The following TAF4 variants were observed in gnomAD, a reference collection of about 807,000 sequenced individuals.
TAF4 encodes transcription initiation factor TFIID subunit 4.
In TAF4, 9 loss-of-function variants were observed where a neutral mutation model predicts 90.3. The ratio of observed to expected loss-of-function variants is 0.10; its 90% CI spans 0.06 to 0.17. The LOEUF (loss-of-function observed/expected upper bound fraction) is 0.17. Among genes scored for constraint, TAF4 ranks in the 10% least tolerant of loss-of-function variants. The pLI is 1.00. For missense variants in TAF4, 1,351 were observed against 1,370.7 expected (o/e 0.99, Z 0.23); for synonymous variants, 818 against 638.9 (o/e 1.28, Z -4.23).
chr20:62,048,099 C>T (rs149933877), intron 1 of TAF4, among the ~76,000 whole-genome samples: 3,561 of 152,280 alleles, frequency 0.023, 59 homozygotes, highest in Non-Finnish European at 0.033. Context: ...CTCAAAGTCA[C>T]CTCTGAAAAT....
intron 7 of TAF4, chr20:62,005,088 A>G (rs2055735625): frequency 6.6e-6 from 1 of 152,348 alleles, no homozygotes; most frequent in Non-Finnish European, 1.5e-5. Context: ...TAATGCAAAC[A>G]TGTCTCCAAC....
intron 1 of TAF4, among the ~76,000 whole-genome samples, chr20:62,036,253 G>A (rs1467098556): frequency 1.3e-5 from 2 of 152,194 alleles, no homozygotes; most frequent in Admixed American, 1.3e-4. Flanking sequence ...TCGAACTCCT[G>A]ACCTCAGGTG....
chr20:62,024,511 G>C (rs1346970442), intron 1 of TAF4, among the ~76,000 whole-genome samples: 15 of 152,206 alleles, frequency 9.9e-5, no homozygotes, highest in Non-Finnish European at 4.4e-5. Context: ...AGACTCTTTA[G>C]AAAGCATCCA....
chr20:62,038,240 G>T lies in TAF4; in HGVS notation c.1361-23533C>A, dbSNP rs569360745. 2.6e-5 allele frequency among the ~76,000 whole-genome samples: 4 copies of T among 152,090 alleles called. No homozygotes were observed. The South Asian group carries it at 8.3e-4, about 32-fold the overall frequency. On this transcript the variant is annotated intron_variant, in intron 1 of 14. Transcript: ENST00000252996. ...GACAGGGTTTCACAGTGTTAGCCAG[G>T]ATGGTGTCGATCTCCTGACCTCGTG... is the stretch of plus-strand genomic sequence containing the variant.
At chr20:62,046,302 T>C (rs189242151) in intron 1 of TAF4, among the ~76,000 whole-genome samples, 1 of 152,386 alleles carries the variant, frequency 6.6e-6, no homozygotes, top group African/African-American at 2.4e-5. Context: ...ATGTATACAG[T>C]TGTGTAACCA....
chr20:62,046,453 G>A (rs912352530), intron 1 of TAF4, among the ~76,000 whole-genome samples: 1 of 152,194 alleles, frequency 6.6e-6, no homozygotes, highest in Non-Finnish European at 1.5e-5. Context: ...TTGTGCGATA[G>A]GCGGTCTTTC....
intron 1 of TAF4, among the ~76,000 whole-genome samples, chr20:62,044,859 G>C (rs1266311297): frequency 6.6e-6 from 1 of 152,176 alleles, no homozygotes; most frequent in Non-Finnish European, 1.5e-5. Context: ...TCCGGGAAGA[G>C]ACAGGCCTGG....
Position 62,061,486 on chromosome 20 carries a change from G to A in TAF4, c.1360+2965C>T, listed in dbSNP as rs2056088372. Among the ~76,000 whole-genome samples, 3 of 152,346 alleles carry A rather than the reference G, an allele frequency of 2.0e-5. No homozygotes were observed. The East Asian group carries it at 5.8e-4, about 29-fold the overall frequency. ...AGCAAAAGGAGAGTAAATTCTGCAT[G>A]AAAGCACAATAGACCAAGATACACT... On this transcript the variant is annotated intron_variant, in intron 1 of 14. Coordinates refer to ENST00000252996, the MANE Select transcript of TAF4 (RefSeq NM_003185.4).
At chr20:62,004,516 TG>T (rs2055731930) in intron 7 of TAF4, 2 of 151,430 alleles carry the variant, frequency 1.3e-5, no homozygotes. Flanking sequence ...TTTGTAGAGA[TG>T]GGGTTTCACC....
intron 9 of TAF4, 73 bp downstream of exon 9, chr20:62,003,087 T>G (rs28382089): frequency 1.2e-4 from 159 of 1,328,598 alleles, no homozygotes; most frequent in Admixed American, 3.2e-4. Context: ...TGGGCGGGAA[T>G]GGAGCAGCAC....
chr20:62,003,685 G>A (rs1336038049), intron 8 of TAF4, 46 bp downstream of exon 8: 4 of 1,520,098 alleles, frequency 2.6e-6, no homozygotes, highest in South Asian at 2.5e-5. Flanking sequence ...CTGGCTCTGG[G>A]AGCAGCCCTT....
intron 2 of TAF4, among the ~76,000 whole-genome samples, chr20:62,014,254 GC>G (rs1215617265): frequency 6.6e-6 from 1 of 152,116 alleles, no homozygotes; most frequent in African/African-American, 2.4e-5. Context: ...AAGGGAAGGG[GC>G]CAGAGCGGCC....
At chr20:62,027,431 C>T (rs1164212680) in intron 1 of TAF4, among the ~76,000 whole-genome samples, 2 of 152,200 alleles carry the variant, frequency 1.3e-5, no homozygotes, top group Non-Finnish European at 2.9e-5. Flanking sequence ...TCCCTAACGT[C>T]TGTCTCCCCC....
At chr20:62,009,389 C>T (rs559535415) in intron 4 of TAF4, among the ~76,000 whole-genome samples, 6 of 152,320 alleles carry the variant, frequency 3.9e-5, no homozygotes, top group East Asian at 1.9e-4. Flanking sequence ...CCCTCAGCCC[C>T]GCAAGGCCAC....
intron 1 of TAF4, among the ~76,000 whole-genome samples, chr20:62,030,906 C>T (rs1015810854): frequency 6.6e-6 from 1 of 152,144 alleles, no homozygotes; most frequent in Non-Finnish European, 1.5e-5. Context: ...ACGATGGCCT[C>T]CTTCACCTCT....
intron 11 of TAF4, 114 bp downstream of exon 11, chr20:62,000,010 T>C (rs2055688917): frequency 1.5e-6 from 2 of 1,310,846 alleles, no homozygotes; most frequent in South Asian, 2.4e-5. Flanking sequence ...GTAAGGAACA[T>C]GGAGGCACTT....
At chr20:61,985,437 A>T (rs930094866) in intron 14 of TAF4, among the ~76,000 whole-genome samples, 1 of 152,096 alleles carries the variant, frequency 6.6e-6, no homozygotes, top group African/African-American at 2.4e-5. Flanking sequence ...AAAAATTTAA[A>T]CATAAAAAGT....
intron 1 of TAF4, among the ~76,000 whole-genome samples, chr20:62,062,561 C>G (rs934150359): frequency 6.6e-6 from 1 of 152,190 alleles, no homozygotes; most frequent in African/African-American, 2.4e-5. Context: ...GCACTGCCAC[C>G]CAAACGTCTG....
At chr20:62,031,408 A>C (rs1209297930) in intron 1 of TAF4, among the ~76,000 whole-genome samples, 1 of 152,246 alleles carries the variant, frequency 6.6e-6, no homozygotes, top group Non-Finnish European at 1.5e-5. Flanking sequence ...AGGATAAAGC[A>C]TATTCATCTG....
Sources: gnomAD v4.1 joint callset for allele counts (sites outside exome capture counted in the v4.1 genomes callset) on GRCh38, gnomAD v4.1.1 for gene constraint, MANE v1.5 for transcripts, NCBI Gene and HGNC (gene_info 2026-07-23, HGNC 2026-07-21) for gene names.